HEXIM2: variants seen among roughly 807,000 people sequenced by gnomAD.
HEXIM2 encodes HEXIM P-TEFb complex subunit 2.
For missense variants in HEXIM2, 413 were observed against 390.8 expected, an observed-to-expected ratio of 1.06 and a Z score of -0.48; for synonymous variants, 159 against 162.7, an observed-to-expected ratio of 0.98 and a Z score of 0.17.
chr17:45,160,787 C>G (rs1212039526), upstream of HEXIM2: 2 of 574,208 alleles, frequency 3.5e-6, no homozygotes, highest in African/African-American at 3.8e-5. Flanking sequence ...ATCTTGAGGG[C>G]AAGAGCCTCA....
At chr17:45,168,858 C>A (rs2042940751) in intron 3 of HEXIM2, 157 bp from the exon 4 acceptor site, 1 of 733,634 alleles carries the variant, frequency 1.4e-6, no homozygotes, top group Admixed American at 2.3e-5. Context: ...GTAGACAGGT[C>A]TCTTTGTAAA....
intron 3 of HEXIM2, among the ~76,000 whole-genome samples, chr17:45,168,575 C>A (rs555543571): frequency 3.4e-4 from 52 of 151,454 alleles, no homozygotes; most frequent in African/African-American, 1.3e-3. Flanking sequence ...CTTCACAGGT[C>A]ACCTGCCCAT....
intron 3 of HEXIM2, among the ~76,000 whole-genome samples, chr17:45,167,331 C>A (rs977971750): frequency 3.3e-4 from 49 of 149,860 alleles, no homozygotes; most frequent in African/African-American, 1.0e-3. Flanking sequence ...CACACACACA[C>A]AAAAAAAAAG....
At position 45,169,342 on chromosome 17, in the gene HEXIM2, T is replaced by C. The variant is rs749435782; in HGVS notation, c.394T>C (p.Phe132Leu). The C allele has an allele frequency of 4.3e-6, 7 of 1,613,666 alleles. No homozygotes were observed. The Admixed American group carries it at 1.0e-4, about 23-fold the overall frequency. Residue 132 changes from phenylalanine (F) to leucine (L), a missense_variant, in exon 4 of 4, where the codon TTC becomes CTC. Transcript: ENST00000589230. Reference sequence around the variant, plus strand: ...GGCCTCCCGGGTCCGCGAAGAGATGTTCGCCAAAGGCCAGCCCGTGGCCCC... The same window carrying C: ...GGCCTCCCGGGTCCGCGAAGAGATGCTCGCCAAAGGCCAGCCCGTGGCCCC... ...QRASRVREEM[F>L]AKGQPVAPYN...
At chr17:45,164,338 C>CCA (rs1253746304) in intron 3 of HEXIM2, among the ~76,000 whole-genome samples, 2 of 152,128 alleles carry the variant, frequency 1.3e-5, no homozygotes, top group East Asian at 3.8e-4. Context: ...TTCTATAATC[C>CCA]CAGCTAGTTG....
At chr17:45,162,356 C>A in intron 1 of HEXIM2, 132 bp from the exon 2 acceptor site, 2 of 558,866 alleles carry the variant, frequency 3.6e-6, no homozygotes, top group Non-Finnish European at 4.7e-6. Flanking sequence ...GCTCCATGTT[C>A]TCCCGTGGCA....
chr17:45,168,703 C>T (rs2042936257), intron 3 of HEXIM2: 1 of 250,978 alleles, frequency 4.0e-6, no homozygotes, highest in Non-Finnish European at 7.6e-6. Context: ...TTCTTCTTCT[C>T]CTACTTTACT....
At position 45,169,241 on chromosome 17, in the gene HEXIM2, G is replaced by A. The variant is rs775507935; in HGVS notation, c.293G>A (p.Arg98His). The change falls in exon 4 of 4, where the codon CGC (arginine) becomes CAC (histidine). Residue 98 changes from arginine to histidine, a missense_variant. By Grantham distance (29) the Arg-to-His change is conservative. Transcript: ENST00000589230. Reference protein sequence around the residue: ...RKKHRRRPSKRKRHWRPYLEL... With the variant: ...RKKHRRRPSKHKRHWRPYLEL... ...AAACACCGTCGGCGGCCATCGAAGC[G>A]CAAAAGGCACTGGCGACCCTACCTG... The A allele has an allele frequency of 3.1e-6, 5 of 1,613,666 alleles. No homozygotes were observed. The highest frequency in any genetic ancestry group is 1.1e-5 in the South Asian group (1 of 91,080).
rs151186613 is a variant in HEXIM2, at chr17:45,166,177, C to T, written c.67-2838C>T. ...TCCAGCTCTGTCACTCAGGCTGGAG[C>T]GCAGTGGCGCAATCACAGCTCACTG... is the stretch of plus-strand genomic sequence containing the variant. On this transcript the variant is annotated intron_variant, in intron 3 of 3. Transcript: ENST00000589230. Among the ~76,000 whole-genome samples the T allele has an allele frequency of 7.2e-3, 1,084 of 151,490 alleles. 5 individuals carry two copies. The highest frequency in any genetic ancestry group is 0.012 in the Non-Finnish European group (844 of 67,830).
chr17:45,169,877 C>T lies in HEXIM2; in HGVS notation c.*68C>T. 1 of 1,338,438 alleles carries T rather than the reference C, an allele frequency of 7.5e-7. No individual in the cohort carries two copies. The highest frequency in any genetic ancestry group is 9.7e-7 in the Non-Finnish European group (1 of 1,026,050). The allele number at this position is 1,338,438 out of a possible 1,614,324, so 82.9% of individuals were successfully genotyped here. On this transcript the variant is annotated 3_prime_UTR_variant, in exon 4 of 4. Coordinates refer to ENST00000589230, the MANE Select transcript of HEXIM2 (RefSeq NM_001303441.2). ...TCGTGCACACTCAGGCCAGCTGGGT[C>T]TCAAGGAGGCAGGTGGCAGATGAAA... is the stretch of plus-strand genomic sequence containing the variant.
At chr17:45,167,525 G>A (rs1036534475) in intron 3 of HEXIM2, among the ~76,000 whole-genome samples, 2 of 152,176 alleles carry the variant, frequency 1.3e-5, no homozygotes, top group Non-Finnish European at 2.9e-5. Flanking sequence ...TTGAGTCTAG[G>A]AGTTTGAGGC....
chr17:45,169,440 C>T lies in HEXIM2; in HGVS notation c.492C>T (p.Ile164=), dbSNP rs146054495. ...CCAACTTGGATGTGCCCCATGGGAT[C>T]TCCCACCCAGGTTCCAGTGGGGAGA... ...EEPNLDVPHG[I]SHPGSSGESE... Residue 164 remains isoleucine, a synonymous_variant, in exon 4 of 4, where the codon ATC becomes ATT. Transcript: ENST00000589230. 67 of 1,613,946 alleles carry T rather than the reference C, an allele frequency of 4.2e-5. No individual in the cohort carries two copies. The African/African-American group carries it at 6.5e-4, about 16-fold the overall frequency.
rs369266747 is a variant in HEXIM2 at position 45,169,813 on chromosome 17, T to C, written c.*4T>C. The C allele has an allele frequency of 4.1e-5, 59 of 1,433,490 alleles. No homozygotes were observed. The African/African-American group carries it at 7.8e-4, about 19-fold the overall frequency. 88.8% of individuals were successfully genotyped at this position (1,433,490 alleles called of 1,614,324 possible). A position where few individuals can be genotyped will look rare whatever the true frequency, so the allele number is the denominator to read the frequency against. ...TGATGAGGAGCCGGGTACCTAGGGG[T>C]GCCTCCCAGCCTGGTGGACCCAAGG... On this transcript the variant is annotated 3_prime_UTR_variant, in exon 4 of 4. Transcript: ENST00000589230.
upstream of HEXIM2, chr17:45,161,330 G>A: frequency 3.7e-6 from 1 of 267,214 alleles, no homozygotes; most frequent in South Asian, 3.4e-5. Context: ...GCTCGGCCGA[G>A]GAGACTCCAA....
rs747444125 is a variant in HEXIM2 at position 45,169,225 on chromosome 17, C to A, written c.277C>A (p.Arg93=). Residue 93 remains arginine (R), a synonymous_variant, in exon 4 of 4, where the codon CGG becomes AGG. Coordinates refer to ENST00000589230, the MANE Select transcript of HEXIM2 (RefSeq NM_001303441.2). ...EAVLARKKHR[R]RPSKRKRHWR... The stretch of plus-strand genomic sequence containing the variant: ...TGTGCTGGCCCGGAAGAAACACCGT[C>A]GGCGGCCATCGAAGCGCAAAAGGCA... 9 of 1,613,454 alleles carry A rather than the reference C, an allele frequency of 5.6e-6. No individual in the cohort carries two copies. Among genetic ancestry groups the A allele is most frequent in the African/African-American group, 1.3e-5 (1 of 74,930 alleles).
Position 45,169,278 on chromosome 17 carries a change from G to A in HEXIM2, c.330G>A (p.Trp110Ter). ...GGCGACCCTACCTGGAGCTGAGCTG[G>A]GCTGAGAAACAACAGCGGGATGAGA... The part of the protein sequence containing the change: ...RHWRPYLELS[W>*]AEKQQRDERQ... Residue 110 changes from tryptophan to a stop codon, truncating the protein, a stop_gained, in exon 4 of 4, where the codon TGG (tryptophan) becomes TGA (stop). Coordinates refer to ENST00000589230, the MANE Select transcript of HEXIM2 (RefSeq NM_001303441.2). LOFTEE classifies it low-confidence loss of function (END_TRUNC). The A allele has an allele frequency of 6.2e-7, 1 of 1,613,856 alleles. No homozygotes were observed. Among genetic ancestry groups the A allele is most frequent in the Non-Finnish European group, 8.5e-7 (1 of 1,180,030 alleles).
intron 3 of HEXIM2, among the ~76,000 whole-genome samples, chr17:45,167,231 C>T (rs1341462391): frequency 6.6e-6 from 1 of 151,616 alleles, no homozygotes; most frequent in Non-Finnish European, 1.5e-5. Flanking sequence ...GAGGCTGAGG[C>T]AGGAGAATCG....
At chr17:45,162,408 C>T in intron 1 of HEXIM2, 80 bp from the exon 2 acceptor site, 1 of 1,059,966 alleles carries the variant, frequency 9.4e-7, no homozygotes, top group Non-Finnish European at 1.2e-6. Context: ...AGGCAGTCCT[C>T]CTTTGCCCCT....
At chr17:45,166,315 T>C (rs546218959) in intron 3 of HEXIM2, among the ~76,000 whole-genome samples, 1 of 151,362 alleles carries the variant, frequency 6.6e-6, no homozygotes, top group East Asian at 2.0e-4. Context: ...TTGGTAGAGA[T>C]GGGGTTTCGC....
Sources: allele counts gnomAD v4.1 joint callset (sites outside exome capture counted in the v4.1 genomes callset), GRCh38; gene constraint gnomAD v4.1.1; transcripts MANE v1.5; gene names NCBI Gene and HGNC (gene_info 2026-07-23, HGNC 2026-07-21).